Variants in DPP10 observed in about 807,000 individuals in gnomAD.
The protein encoded by DPP10 is inactive dipeptidyl peptidase 10.
In DPP10, 33 loss-of-function variants were observed where a neutral mutation model predicts 120.9. The ratio of observed to expected loss-of-function variants is 0.27; its 90% CI spans 0.21 to 0.37. The LOEUF is 0.37. DPP10 is among the 10% of genes least tolerant of loss of function. The probability of loss-of-function intolerance (pLI) is 1.00; values close to 1 mark genes in which losing one functional copy is unlikely to be tolerated. For synonymous variants in DPP10, 337 were observed against 326.1 expected, an observed-to-expected ratio of 1.03 and a Z score of -0.36; for missense variants, 816 against 942.8, an observed-to-expected ratio of 0.87 and a Z score of 1.76.
intron 1 of DPP10, among the ~76,000 whole-genome samples, chr2:115,037,765 A>G (rs1234673590): frequency 6.6e-6 from 1 of 152,246 alleles, no homozygotes; most frequent in Non-Finnish European, 1.5e-5. Context: ...GAGAAAGGAC[A>G]ACGGTATCTA....
intron 1 of DPP10, among the ~76,000 whole-genome samples, chr2:114,869,704 C>T (rs1417019039): frequency 6.6e-6 from 1 of 152,140 alleles, no homozygotes; most frequent in Non-Finnish European, 1.5e-5. Flanking sequence ...GCATTCCCAG[C>T]ACATTCTACA....
chr2:114,629,010 C>T (rs1280591240), intron 1 of DPP10, among the ~76,000 whole-genome samples: 4 of 152,038 alleles, frequency 2.6e-5, no homozygotes, highest in African/African-American at 4.8e-5. Flanking sequence ...AATGGCTTAA[C>T]AATTATTTCA....
At chr2:115,470,693 A>AT (rs953435579) in intron 3 of DPP10, among the ~76,000 whole-genome samples, 34 of 151,436 alleles carry the variant, frequency 2.2e-4, no homozygotes, top group African/African-American at 4.6e-4. Flanking sequence ...TTTCTGCATA[A>AT]TTTTTTTTTC....
chr2:115,656,418 T>A (rs2088349931), intron 5 of DPP10, among the ~76,000 whole-genome samples: 2 of 151,558 alleles, frequency 1.3e-5, no homozygotes, highest in South Asian at 4.1e-4. Context: ...AAGCTGAAGG[T>A]TTCAGAATAT....
At chr2:115,390,204 A>G (rs762413367) in intron 3 of DPP10, among the ~76,000 whole-genome samples, 10 of 152,170 alleles carry the variant, frequency 6.6e-5, no homozygotes, top group African/African-American at 9.7e-5. Context: ...GAAAAAGGCA[A>G]CTCTTCACAG....
intron 1 of DPP10, among the ~76,000 whole-genome samples, chr2:114,682,495 TTTC>T (rs1699089047): frequency 6.6e-6 from 1 of 151,832 alleles, no homozygotes; most frequent in African/African-American, 2.4e-5. Flanking sequence ...TGTAAAACAT[TTTC>T]TTATGCTTTC....
chr2:115,342,547 A>G (rs573674363), intron 2 of DPP10, among the ~76,000 whole-genome samples: 87 of 152,262 alleles, frequency 5.7e-4, no homozygotes, highest in African/African-American at 1.6e-3. Context: ...AAGCATGTGC[A>G]AACCCCTCAG....
intron 1 of DPP10, among the ~76,000 whole-genome samples, chr2:114,719,292 TG>T (rs1331988913): frequency 2.6e-5 from 4 of 152,206 alleles, no homozygotes; most frequent in African/African-American, 9.6e-5. Context: ...TTTCCTCATT[TG>T]GCTTGCTACT....
intron 9 of DPP10, among the ~76,000 whole-genome samples, chr2:115,742,265 A>G (rs1052476605): frequency 1.3e-5 from 2 of 152,088 alleles, no homozygotes; most frequent in African/African-American, 4.8e-5. Flanking sequence ...CAGGTCAACA[A>G]TTTGTATTTC....
At chr2:114,729,033 C>T (rs1040191351) in intron 1 of DPP10, among the ~76,000 whole-genome samples, 1 of 152,138 alleles carries the variant, frequency 6.6e-6, no homozygotes, top group Admixed American at 6.5e-5. Flanking sequence ...TTAACGGAGA[C>T]AGGGTTTATA....
Position 114,743,381 on chromosome 2 carries a change from C to CT in DPP10, c.60+300552dup, listed in dbSNP as rs199892494. ...GCAAAGTTGAATTTGCTTGAAGTTT[C>CT]TTTTTTTTTCTTTCATATCCATACC... On this transcript the variant is annotated intron_variant, in intron 1 of 25. Coordinates refer to ENST00000410059, the MANE Select transcript of DPP10 (RefSeq NM_020868.6). 1.3e-4 allele frequency among the ~76,000 whole-genome samples: 19 copies of CT among 146,622 alleles called. No homozygotes were observed. In the East Asian group the frequency reaches 2.2e-3, roughly 17 times the overall value.
At chr2:115,168,521 G>A (rs2053074576) in intron 1 of DPP10, among the ~76,000 whole-genome samples, 1 of 152,160 alleles carries the variant, frequency 6.6e-6, no homozygotes, top group Admixed American at 6.5e-5. Flanking sequence ...ATTATTCCCA[G>A]CATACTCTTG....
chr2:115,483,533 G>A lies in DPP10; in HGVS notation c.272-15977G>A, dbSNP rs942388925. Reference sequence around the variant, plus strand: ...TGTGTGTGTAAAACTAATATTGTTTGGGAGGAATTCATAATTCATAGAAGA... The same window carrying A: ...TGTGTGTGTAAAACTAATATTGTTTAGGAGGAATTCATAATTCATAGAAGA... On this transcript the variant is annotated intron_variant, in intron 3 of 25. Coordinates refer to ENST00000410059, the MANE Select transcript of DPP10 (RefSeq NM_020868.6). Among the ~76,000 whole-genome samples the A allele has an allele frequency of 2.0e-5, 3 of 151,946 alleles. No individual in the cohort carries two copies. The East Asian group carries it at 5.8e-4, about 29-fold the overall frequency.
chr2:115,470,998 AC>A (rs1430354874), intron 3 of DPP10, among the ~76,000 whole-genome samples: 1 of 152,020 alleles, frequency 6.6e-6, no homozygotes, highest in Non-Finnish European at 1.5e-5. Context: ...ATGTCTCTCT[AC>A]CTCTATTATG....
intron 1 of DPP10, chr2:115,162,126 C>G (rs961170271): frequency 2.3e-5 from 35 of 1,523,494 alleles, no homozygotes; most frequent in Non-Finnish European, 3.0e-5. Context: ...CCCGCGCCTC[C>G]CTCTTCTCAC....
intron 3 of DPP10, among the ~76,000 whole-genome samples, chr2:115,378,785 C>A (rs1223237989): frequency 6.6e-6 from 1 of 152,080 alleles, no homozygotes; most frequent in Non-Finnish European, 1.5e-5. Context: ...TTGTCAAAGG[C>A]CTTTTCTGCA....
intron 3 of DPP10, among the ~76,000 whole-genome samples, chr2:115,460,842 C>T (rs562046758): frequency 1.3e-5 from 2 of 152,202 alleles, no homozygotes; most frequent in Non-Finnish European, 2.9e-5. Flanking sequence ...CAACATATTG[C>T]CTGGAAATAT....
intron 3 of DPP10, among the ~76,000 whole-genome samples, chr2:115,384,936 C>G (rs1010106579): frequency 3.3e-5 from 5 of 152,184 alleles, no homozygotes; most frequent in Non-Finnish European, 7.3e-5. Context: ...TTCCCCCATA[C>G]TATTCTTGTG....
chr2:114,671,800 A>G (rs1293220639), intron 1 of DPP10, among the ~76,000 whole-genome samples: 2 of 152,118 alleles, frequency 1.3e-5, no homozygotes, highest in East Asian at 1.9e-4. Context: ...TACAGAATCC[A>G]TTGGTTTCTA....
Sources: allele counts gnomAD v4.1 joint callset (sites outside exome capture counted in the v4.1 genomes callset), GRCh38; gene constraint gnomAD v4.1.1; transcripts MANE v1.5; gene names NCBI Gene and HGNC (gene_info 2026-07-23, HGNC 2026-07-21).